CDKAL1: variants seen among roughly 807,000 people sequenced by gnomAD.
The protein encoded by CDKAL1 is CDKAL1 threonylcarbamoyladenosine tRNA methylthiotransferase.
CDKAL1 carries 32 observed loss-of-function variants against 68.2 expected under a neutral mutation model. The ratio of observed to expected loss-of-function variants is 0.47; its 90% CI spans 0.35 to 0.63. The LOEUF (loss-of-function observed/expected upper bound fraction) is 0.63, where lower values mean the gene tolerates loss of function less well. CDKAL1 is among the 30% of genes least tolerant of loss of function. The pLI, the probability that CDKAL1 is intolerant of heterozygous loss-of-function variation, is 0.00. For synonymous variants in CDKAL1, 234 were observed against 244.3 expected, an observed-to-expected ratio of 0.96 and a Z score of 0.39; for missense variants, 606 against 696.7, an observed-to-expected ratio of 0.87 and a Z score of 1.47.
chr6:20,840,730 A>G (rs188524835), intron 8 of CDKAL1, among the ~76,000 whole-genome samples: 121 of 152,340 alleles, frequency 7.9e-4, no homozygotes, highest in Admixed American at 6.9e-3. Context: ...TGAAGATCTT[A>G]TCAGATTCTG....
At chr6:20,792,264 A>G (rs1429573575) in intron 8 of CDKAL1, among the ~76,000 whole-genome samples, 1 of 152,240 alleles carries the variant, frequency 6.6e-6, no homozygotes, top group African/African-American at 2.4e-5. Context: ...TATCTGATGA[A>G]ACAGTCTCTG....
chr6:20,624,087 T>G (rs1767316083), intron 4 of CDKAL1, among the ~76,000 whole-genome samples: 1 of 152,094 alleles, frequency 6.6e-6, no homozygotes, highest in Admixed American at 6.6e-5. Context: ...AGAGTTCTTT[T>G]CTTGGTATTA....
chr6:21,068,051 CCAGT>C (rs1771553424), intron 12 of CDKAL1, among the ~76,000 whole-genome samples: 2 of 19,228 alleles, frequency 1.0e-4, no homozygotes, highest in African/African-American at 1.4e-3. Context: ...TGTTGGTTTA[CCAGT>C]TGGATTTACA....
intron 14 of CDKAL1, among the ~76,000 whole-genome samples, chr6:21,198,476 G>A (rs1026774768): frequency 6.6e-6 from 1 of 152,198 alleles, no homozygotes; most frequent in African/African-American, 2.4e-5. Flanking sequence ...GCATGAAAGG[G>A]CAGGGATTTC....
intron 12 of CDKAL1, among the ~76,000 whole-genome samples, chr6:21,092,410 C>T (rs568214218): frequency 6.6e-6 from 1 of 151,998 alleles, no homozygotes; most frequent in Non-Finnish European, 1.5e-5. Context: ...TGCTCTCCCT[C>T]CTTTTGCCCC....
chr6:20,978,723 C>T (rs749667380), intron 10 of CDKAL1, among the ~76,000 whole-genome samples: 1 of 152,012 alleles, frequency 6.6e-6, no homozygotes, highest in Non-Finnish European at 1.5e-5. Flanking sequence ...TTTTCATTTG[C>T]AAATTTTAAT....
chr6:20,677,422 G>C (rs143294893), intron 5 of CDKAL1, among the ~76,000 whole-genome samples: 3 of 150,588 alleles, frequency 2.0e-5, no homozygotes, highest in African/African-American at 4.9e-5. Flanking sequence ...TTCAACGAAG[G>C]CTTTATTTTT....
chr6:20,856,944 A>G (rs1418758353), intron 9 of CDKAL1, among the ~76,000 whole-genome samples: 3 of 152,218 alleles, frequency 2.0e-5, no homozygotes, highest in East Asian at 3.8e-4. Context: ...CTGGCTGTCA[A>G]TTCATTCCAG....
chr6:20,896,592 A>G (rs1299560730), intron 9 of CDKAL1, among the ~76,000 whole-genome samples: 2 of 152,230 alleles, frequency 1.3e-5, no homozygotes, highest in African/African-American at 4.8e-5. Flanking sequence ...TTTTAAATCA[A>G]TAATGAAAAC....
chr6:20,643,771 TAC>T lies in CDKAL1; in HGVS notation c.287-5520_287-5519del, dbSNP rs1402208386. Among the ~76,000 whole-genome samples, 8 of 152,356 alleles carry T rather than the reference TAC, an allele frequency of 5.3e-5. No individual in the cohort carries two copies. The East Asian group carries it at 1.5e-3, about 29-fold the overall frequency. ...TTTTTGTTAACAATATTAACATTTA[TAC>T]AGATATCTGTCTTGAATTCTTAGCA... On this transcript the variant is annotated intron_variant, in intron 4 of 15. Transcript: ENST00000274695.
chr6:20,671,448 TA>T (rs1769810051), intron 5 of CDKAL1, among the ~76,000 whole-genome samples: 1 of 152,230 alleles, frequency 6.6e-6, no homozygotes, highest in Non-Finnish European at 1.5e-5. Context: ...TTGTGCAGAA[TA>T]TTTTATTCTT....
intron 13 of CDKAL1, among the ~76,000 whole-genome samples, chr6:21,128,366 A>G (rs1415972168): frequency 1.3e-5 from 2 of 152,242 alleles, no homozygotes; most frequent in East Asian, 3.8e-4. Context: ...TTTTCAACTT[A>G]TGAATGGGTT....
intron 8 of CDKAL1, among the ~76,000 whole-genome samples, chr6:20,830,216 G>A (rs1461205717): frequency 6.6e-6 from 1 of 152,108 alleles, no homozygotes; most frequent in African/African-American, 2.4e-5. Flanking sequence ...TGAGCCTTTT[G>A]TGAACCTAAA....
chr6:20,823,274 C>T (rs181465690), intron 8 of CDKAL1, among the ~76,000 whole-genome samples: 3 of 152,232 alleles, frequency 2.0e-5, no homozygotes. Context: ...TTTGGCCATT[C>T]ATATGGTCCT....
At chr6:20,620,121 G>T (rs1257326215) in intron 4 of CDKAL1, among the ~76,000 whole-genome samples, 1 of 152,178 alleles carries the variant, frequency 6.6e-6, no homozygotes. Context: ...TGTTGGTTAA[G>T]TGGTAAAACA....
intron 5 of CDKAL1, among the ~76,000 whole-genome samples, chr6:20,709,924 C>G (rs1771771510): frequency 6.6e-6 from 1 of 152,138 alleles, no homozygotes; most frequent in South Asian, 2.1e-4. Context: ...AGATTATTCT[C>G]TCCCGAGTAT....
chr6:20,979,459 G>C (rs1304660567), intron 10 of CDKAL1, among the ~76,000 whole-genome samples: 1 of 152,148 alleles, frequency 6.6e-6, no homozygotes, highest in Non-Finnish European at 1.5e-5. Flanking sequence ...TGGCTTAGAG[G>C]TGAGCAATTG....
At chr6:21,217,248 C>A (rs1338945691) in intron 15 of CDKAL1, among the ~76,000 whole-genome samples, 1 of 150,190 alleles carries the variant, frequency 6.7e-6, no homozygotes, top group Non-Finnish European at 1.5e-5. Context: ...TGCCCATTTT[C>A]TTCTATTGGA....
chr6:20,991,789 G>C (rs1341908939), intron 10 of CDKAL1, among the ~76,000 whole-genome samples: 2 of 148,772 alleles, frequency 1.3e-5, no homozygotes, highest in Non-Finnish European at 3.0e-5. Flanking sequence ...GCTGAGGTGC[G>C]TACATGGCTC....
Sources: allele counts gnomAD v4.1 joint callset (sites outside exome capture counted in the v4.1 genomes callset), GRCh38; gene constraint gnomAD v4.1.1; transcripts MANE v1.5; gene names NCBI Gene and HGNC (gene_info 2026-07-23, HGNC 2026-07-21).